MAP3K1: variants seen among roughly 807,000 people sequenced by gnomAD.
MAP3K1 encodes the protein MAP/ERK kinase kinase 1.
A neutral mutation model predicts 144.2 loss-of-function variants in MAP3K1; 36 were observed. That is an observed-to-expected ratio of 0.25 (90% CI 0.19 to 0.33). The LOEUF is 0.33. Ranked by LOEUF, MAP3K1 falls within the 10% of genes least tolerant of loss-of-function variation. The pLI, the probability that MAP3K1 is intolerant of heterozygous loss-of-function variation, is 1.00. For synonymous variants in MAP3K1, 718 were observed against 688.7 expected, an observed-to-expected ratio of 1.04 and a Z score of -0.67; for missense variants, 1,650 against 1,881.9, an observed-to-expected ratio of 0.88 and a Z score of 2.28.
chr5:56,826,119 CTT>C (rs1320087532), intron 1 of MAP3K1, among the ~76,000 whole-genome samples: 1 of 152,084 alleles, frequency 6.6e-6, no homozygotes, highest in African/African-American at 2.4e-5. Flanking sequence ...GATCACCCTT[CTT>C]TCTCGGCGTG....
chr5:56,865,590 A>G (rs554629402), intron 5 of MAP3K1, 134 bp downstream of exon 5: 112 of 711,820 alleles, frequency 1.6e-4, no homozygotes, highest in Middle Eastern at 3.6e-4. Flanking sequence ...GTTGATGCTT[A>G]TAAATAGTTC....
intron 1 of MAP3K1, among the ~76,000 whole-genome samples, chr5:56,832,721 T>A (rs1746533053): frequency 6.6e-6 from 1 of 152,176 alleles, no homozygotes; most frequent in South Asian, 2.1e-4. Context: ...CTTGGAAAAA[T>A]TATTCATTTC....
intron 6 of MAP3K1, among the ~76,000 whole-genome samples, chr5:56,870,578 C>G (rs1315914246): frequency 2.0e-5 from 3 of 152,162 alleles, no homozygotes; most frequent in African/African-American, 7.2e-5. Context: ...GCACGTTCCC[C>G]CATCCATGTT....
rs1491019414 is a variant in MAP3K1, at chr5:56,894,981, T to TTG, written c.*1312_*1313dup. ...GGAAAATGGTAGCTTTTTAATCTTT[T>TTG]TGTGTGTGTGTGAGTCTTTTAAATC... is the stretch of plus-strand genomic sequence containing the variant. On this transcript the variant is annotated 3_prime_UTR_variant, in exon 20 of 20. Coordinates refer to ENST00000399503, the MANE Select transcript of MAP3K1 (RefSeq NM_005921.2). The TTG allele has an allele frequency of 8.6e-6, 2 of 231,840 alleles. No homozygotes were observed. The highest frequency in any genetic ancestry group is 1.7e-5 in the Non-Finnish European group (2 of 117,274). 14.4% of individuals were successfully genotyped at this position (231,840 alleles called of 1,614,324 possible).
At chr5:56,823,885 G>A (rs763737766) in intron 1 of MAP3K1, among the ~76,000 whole-genome samples, 15 of 152,138 alleles carry the variant, frequency 9.9e-5, no homozygotes, top group African/African-American at 1.4e-4. Context: ...TTAAGAGTGC[G>A]TGTGTGTATA....
intron 1 of MAP3K1, among the ~76,000 whole-genome samples, chr5:56,843,715 A>G (rs1001308182): frequency 1.3e-5 from 2 of 151,994 alleles, no homozygotes; most frequent in Admixed American, 1.3e-4. Flanking sequence ...GGTTCATACA[A>G]CGAGACTACC....
At chr5:56,845,668 A>T (rs1200062103) in intron 1 of MAP3K1, among the ~76,000 whole-genome samples, 1 of 152,086 alleles carries the variant, frequency 6.6e-6, no homozygotes, top group African/African-American at 2.4e-5. Context: ...CATCCTTCTT[A>T]CTTACTGATC....
chr5:56,820,416 G>A, intron 1 of MAP3K1: 1 of 984,282 alleles, frequency 1.0e-6, no homozygotes, highest in Non-Finnish European at 1.2e-6. Flanking sequence ...TGTTTTGCAG[G>A]CATTCTAATA....
At chr5:56,817,796 T>C (rs1417152727) in intron 1 of MAP3K1, among the ~76,000 whole-genome samples, 2 of 152,224 alleles carry the variant, frequency 1.3e-5, no homozygotes, top group African/African-American at 4.8e-5. Flanking sequence ...GTCAGCATTC[T>C]AGTACTCTTA....
intron 18 of MAP3K1, 128 bp from the exon 19 acceptor site, chr5:56,888,098 G>T: frequency 1.3e-6 from 1 of 767,946 alleles, no homozygotes; most frequent in Non-Finnish European, 2.2e-6. Flanking sequence ...TTAGATATTA[G>T]GTAGTCCACA....
At chr5:56,830,230 T>A (rs1746445059) in intron 1 of MAP3K1, among the ~76,000 whole-genome samples, 1 of 152,216 alleles carries the variant, frequency 6.6e-6, no homozygotes, top group Non-Finnish European at 1.5e-5. Flanking sequence ...TTTTGCAGAT[T>A]ATAATTGTGA....
At position 56,875,304 on chromosome 5, in the gene MAP3K1, T is replaced by A; in HGVS notation, c.1959T>A (p.Ala653=). The A allele has an allele frequency of 1.2e-6, 2 of 1,614,052 alleles. No individual in the cohort carries two copies. Among genetic ancestry groups the A allele is most frequent in the Non-Finnish European group, 1.7e-6 (2 of 1,180,006 alleles). Residue 653 remains alanine, a synonymous_variant, in exon 10 of 20, where the codon GCT becomes GCA. Coordinates refer to ENST00000399503, the MANE Select transcript of MAP3K1 (RefSeq NM_005921.2). ...ACCCTGTCTACAAAGTGTACGTTGCTGCTTTAGTAAGTAGCTTTATTCCAT... is the reference window on the plus strand; with the variant it reads ...ACCCTGTCTACAAAGTGTACGTTGCAGCTTTAGTAAGTAGCTTTATTCCAT... ...CADPVYKVYV[A]ALKTLRAMLV... is the part of the protein sequence containing the mutation.
Position 56,880,724 on chromosome 5 carries a change from C to T in MAP3K1, c.2101C>T (p.Leu701=). The stretch of plus-strand genomic sequence containing the variant: ...CTTTGTTTTTAGCCGCACAAGTCAG[C>T]TGTCCATATCAACACTGTTGGAACT... ...CADANSRTSQ[L]SISTLLELCK... Residue 701 remains leucine (L), a synonymous_variant, in exon 12 of 20, where the codon CTG becomes TTG. Transcript: ENST00000399503. 6.2e-7 allele frequency: 1 copy of T among 1,613,344 alleles called. No individual in the cohort carries two copies. Among genetic ancestry groups the T allele is most frequent in the Non-Finnish European group, 8.5e-7 (1 of 1,179,444 alleles).
chr5:56,859,643 A>G, intron 2 of MAP3K1, 72 bp from the exon 3 acceptor site: 1 of 1,085,088 alleles, frequency 9.2e-7, no homozygotes, highest in Non-Finnish European at 1.4e-6. Flanking sequence ...TGTATTTCCT[A>G]GTCTATGATA....
chr5:56,820,872 T>C (rs1746133744), intron 1 of MAP3K1: 2 of 808,924 alleles, frequency 2.5e-6, no homozygotes, highest in Non-Finnish European at 3.0e-6. Context: ...ATAAGAGAGA[T>C]GGGGATACAG....
chr5:56,860,538 A>C (rs951424164), intron 3 of MAP3K1, among the ~76,000 whole-genome samples: 7 of 152,224 alleles, frequency 4.6e-5, no homozygotes, highest in Non-Finnish European at 1.0e-4. Context: ...AGGTGAATTA[A>C]ATGAGACTGT....
rs1389242158 is a variant in MAP3K1 at position 56,852,407 on chromosome 5, G to A, written c.483-4193G>A. Among the ~76,000 whole-genome samples the A allele has an allele frequency of 2.0e-5, 3 of 152,156 alleles. No individual in the cohort carries two copies. The South Asian group carries it at 6.2e-4, about 31-fold the overall frequency. On this transcript the variant is annotated intron_variant, in intron 1 of 19. Transcript: ENST00000399503. ...TTAACAGGTGAGTTTTGTAGGTCTA[G>A]GAAGAGTCTAGCACTAGAAACCTAA...
chr5:56,816,322 A>G (rs1046548006), intron 1 of MAP3K1, among the ~76,000 whole-genome samples: 8 of 151,562 alleles, frequency 5.3e-5, no homozygotes, highest in Admixed American at 2.0e-4. Flanking sequence ...TCTGCGGGGA[A>G]CCGTTGCGAA....
chr5:56,820,460 T>G (rs1279467175), intron 1 of MAP3K1: 3 of 984,962 alleles, frequency 3.0e-6, no homozygotes, highest in African/African-American at 3.5e-5. Flanking sequence ...TGTGCTAAGT[T>G]TGCCTGTTAA....
Sources: allele counts gnomAD v4.1 joint callset (sites outside exome capture counted in the v4.1 genomes callset), GRCh38; gene constraint gnomAD v4.1.1; transcripts MANE v1.5; gene names NCBI Gene and HGNC (gene_info 2026-07-23, HGNC 2026-07-21).